Variants in SNPH observed in about 807,000 individuals in gnomAD.
SNPH encodes the protein syntaphilin.
Under a neutral mutation model 36.8 loss-of-function variants are expected in SNPH, and 10 were observed. That is an observed-to-expected ratio of 0.27 (90% CI 0.17 to 0.46). The LOEUF is 0.46. Ranked by LOEUF, SNPH falls within the 20% of genes least tolerant of loss-of-function variation. The pLI is 1.00. For missense variants in SNPH, 622 were observed against 744.0 expected (o/e 0.84, Z 1.91); for synonymous variants, 281 against 312.2 (o/e 0.90, Z 1.05).
chr20:1,282,980 C>T (rs1165926416), intron 2 of SNPH, among the ~76,000 whole-genome samples: 1 of 152,196 alleles, frequency 6.6e-6, no homozygotes, highest in East Asian at 1.9e-4. Context: ...CCTGAGAGTG[C>T]TATGTCCACA....
intron 2 of SNPH, among the ~76,000 whole-genome samples, chr20:1,288,710 C>G (rs540916186): frequency 4.4e-4 from 67 of 151,670 alleles, no homozygotes; most frequent in African/African-American, 1.6e-3. Flanking sequence ...CAACCTCTGC[C>G]TCCCAGGCTC....
intron 2 of SNPH, among the ~76,000 whole-genome samples, chr20:1,267,038 A>G (rs945927843): frequency 6.6e-6 from 1 of 151,868 alleles, no homozygotes; most frequent in South Asian, 2.1e-4. Context: ...CCACCCCCCA[A>G]TTTTATTTGT....
Position 1,297,239 on chromosome 20 carries a change from A to G in SNPH, c.277A>G (p.Ser93Gly), listed in dbSNP as rs1568548406. Reference sequence around the variant, plus strand: ...TGGCTCCTACAAGGGCAGTGACAGCAGTCCCACGCCAAGGTAATTGGCCCC... The same window carrying G: ...TGGCTCCTACAAGGGCAGTGACAGCGGTCCCACGCCAAGGTAATTGGCCCC... The part of the protein sequence containing the change: ...NSGSYKGSDS[S>G]PTPRRSMKYT... The change falls in exon 5 of 7, where the codon AGT becomes GGT. Residue 93 changes from serine (S) to glycine (G), a missense_variant. Ser to Gly is a moderately conservative substitution (Grantham distance 56). Around this residue, in one of 3 missense-constraint regions of SNPH, gnomAD observed 187 missense variants for 209.4 expected, o/e 0.89. Transcript: ENST00000381867. 1.9e-6 allele frequency: 3 copies of G among 1,613,594 alleles called. No individual in the cohort carries two copies. The highest frequency in any genetic ancestry group is 2.5e-6 in the Non-Finnish European group (3 of 1,179,942).
rs893005538 is a variant in SNPH at position 1,266,654 on chromosome 20, G to A, written c.-599G>A. Reference sequence around the variant, plus strand: ...CTATCTCTTTTTCCTAACCCCGCAGGTCGCTGATCAGGGCCAGGCGGCTGC... The same window carrying A: ...CTATCTCTTTTTCCTAACCCCGCAGATCGCTGATCAGGGCCAGGCGGCTGC... On this transcript the variant is annotated splice_region_variant and 5_prime_UTR_variant, in exon 2 of 7. Coordinates refer to ENST00000381867, the MANE Select transcript of SNPH (RefSeq NM_001318234.2). The surrounding 1 kb of genome is among the most constrained non-coding windows in gnomAD (Gnocchi z 6.0). 1 of 1,489,236 alleles carries A rather than the reference G, an allele frequency of 6.7e-7. No homozygotes were observed. The highest frequency in any genetic ancestry group is 8.9e-7 in the Non-Finnish European group (1 of 1,122,142). The allele number at this position is 1,489,236 out of a possible 1,614,324, so 92.3% of individuals were successfully genotyped here.
rs187950173 is a variant in SNPH at position 1,289,010 on chromosome 20, A to G, written c.-492-5941A>G. On this transcript the variant is annotated intron_variant, in intron 2 of 6. Coordinates refer to ENST00000381867, the MANE Select transcript of SNPH (RefSeq NM_001318234.2). ...TTTATGGAAGTATGACCAGCCCAAAATGCAGGTATATACCTGCTCATCTCC... is the reference window on the plus strand; with the variant it reads ...TTTATGGAAGTATGACCAGCCCAAAGTGCAGGTATATACCTGCTCATCTCC... Among the ~76,000 whole-genome samples the G allele has an allele frequency of 2.9e-3, 448 of 152,244 alleles. 1 individual carries two copies. The highest frequency in any genetic ancestry group is 5.4e-3 in the Non-Finnish European group (366 of 68,006).
At chr20:1,295,426 A>G (rs900769814) in intron 3 of SNPH, among the ~76,000 whole-genome samples, 3 of 152,158 alleles carry the variant, frequency 2.0e-5, no homozygotes, top group Non-Finnish European at 4.4e-5. Flanking sequence ...CTCTCTAGGC[A>G]CGAACGCTTC....
rs3764714 is a variant in SNPH at position 1,306,461 on chromosome 20, G to A, written c.*407G>A. 27,522 of 164,728 alleles carry A rather than the reference G, an allele frequency of 0.17. 2,489 individuals are homozygous for A. Among genetic ancestry groups the A allele is most frequent in the Middle Eastern group, 0.28 (93 of 338 alleles). 10.2% of individuals were successfully genotyped at this position (164,728 alleles called of 1,614,324 possible). Reference sequence around the variant, plus strand: ...TGCACCATCCTGTCCAGTGCCCTGCGCACTCCATGCCGTCTCTTCCAAGCC... The same window carrying A: ...TGCACCATCCTGTCCAGTGCCCTGCACACTCCATGCCGTCTCTTCCAAGCC... On this transcript the variant is annotated 3_prime_UTR_variant, in exon 7 of 7. Coordinates refer to ENST00000381867, the MANE Select transcript of SNPH (RefSeq NM_001318234.2).
intron 2 of SNPH, among the ~76,000 whole-genome samples, chr20:1,284,160 A>G (rs2088257602): frequency 6.6e-6 from 1 of 152,230 alleles, no homozygotes. Flanking sequence ...AAGATGAATA[A>G]AACTCTTCCA....
chr20:1,303,729 C>A (rs906798127), intron 6 of SNPH, among the ~76,000 whole-genome samples: 3 of 152,160 alleles, frequency 2.0e-5, no homozygotes, highest in Non-Finnish European at 4.4e-5. Context: ...AAGGAAAATT[C>A]TGATCTGGCT....
intron 2 of SNPH, among the ~76,000 whole-genome samples, chr20:1,291,698 G>C (rs906564386): frequency 6.6e-6 from 1 of 152,194 alleles, no homozygotes; most frequent in East Asian, 1.9e-4. Context: ...AGTGGTTTGA[G>C]TCATCAGACA....
In SNPH at chr20:1,273,720, T is replaced by C. The variant is rs569323424; in HGVS notation, c.-493+6960T>C. On this transcript the variant is annotated intron_variant, in intron 2 of 6. Transcript: ENST00000381867. ...GCACTGTGCCTGCCACACAGTGATA[T>C]AGCTGCATTATTCGTAGCCTGGAAA... is the stretch of plus-strand genomic sequence containing the variant. Among the ~76,000 whole-genome samples, 6 of 152,258 alleles carry C rather than the reference T, an allele frequency of 3.9e-5. No homozygotes were observed. The South Asian group carries it at 8.3e-4, about 21-fold the overall frequency.
rs1459966564 is a variant in SNPH at position 1,306,120 on chromosome 20, C to T, written c.*66C>T. On this transcript the variant is annotated 3_prime_UTR_variant, in exon 7 of 7. Coordinates refer to ENST00000381867, the MANE Select transcript of SNPH (RefSeq NM_001318234.2). ...GATTGTAGGGATGCCGTTCCCCCCT[C>T]CCTTCTCCCATGGGCATCATCTTAT... 7 of 1,246,332 alleles carry T rather than the reference C, an allele frequency of 5.6e-6. No homozygotes were observed. The highest frequency in any genetic ancestry group is 7.4e-6 in the Non-Finnish European group (7 of 943,826). 77.2% of individuals were successfully genotyped at this position (1,246,332 alleles called of 1,614,324 possible).
At chr20:1,303,854 AG>A (rs2122447960) in intron 6 of SNPH, among the ~76,000 whole-genome samples, 1 of 152,206 alleles carries the variant, frequency 6.6e-6, no homozygotes, top group Non-Finnish European at 1.5e-5. Context: ...GTTTAGGCTG[AG>A]GGGGCTCATG....
At chr20:1,267,957 G>A (rs762505341) in intron 2 of SNPH, among the ~76,000 whole-genome samples, 2 of 152,228 alleles carry the variant, frequency 1.3e-5, no homozygotes, top group Non-Finnish European at 2.9e-5. Flanking sequence ...ACCTAAAATA[G>A]TGCCTGTGCC....
At chr20:1,286,494 G>A (rs961584540) in intron 2 of SNPH, among the ~76,000 whole-genome samples, 4 of 152,286 alleles carry the variant, frequency 2.6e-5, no homozygotes, top group South Asian at 2.1e-4. Flanking sequence ...AGTTGGGTGC[G>A]CTGGGCTCCA....
rs150367888 is a variant in SNPH at position 1,305,837 on chromosome 20, G to A, written c.1400G>A (p.Arg467His). Residue 467 changes from arginine (R) to histidine (H), a missense_variant, in exon 7 of 7, where the codon CGC becomes CAC. Arg to His is a conservative substitution (Grantham distance 29, BLOSUM62 0). Transcript: ENST00000381867. ...AEKEPKSYWS[R>H]HYIVDLLAVV... ...AAGGAGCCCAAGAGCTACTGGAGCC[G>A]CCACTACATCGTGGATCTGCTGGCT... 1.4e-4 allele frequency: 226 copies of A among 1,591,846 alleles called. No homozygotes were observed. Among genetic ancestry groups the A allele is most frequent in the Middle Eastern group, 6.7e-4 (4 of 5,956 alleles).
intron 4 of SNPH, among the ~76,000 whole-genome samples, chr20:1,296,676 A>AT (rs970975073): frequency 2.6e-5 from 4 of 152,054 alleles, no homozygotes; most frequent in Non-Finnish European, 5.9e-5. Context: ...ATATTGTTTG[A>AT]TTTTCACAAC....
chr20:1,292,098 C>G (rs2088369075), intron 2 of SNPH, among the ~76,000 whole-genome samples: 1 of 152,184 alleles, frequency 6.6e-6, no homozygotes, highest in South Asian at 2.1e-4. Context: ...GTATTACCAA[C>G]AGTTGTGTGT....
chr20:1,299,683 C>T (rs1027200051), intron 5 of SNPH, among the ~76,000 whole-genome samples: 7 of 152,234 alleles, frequency 4.6e-5, no homozygotes, highest in Non-Finnish European at 8.8e-5. Flanking sequence ...CTGCCCAGAG[C>T]CGGCAGGTGT....
Sources: gnomAD v4.1 joint callset for allele counts (sites outside exome capture counted in the v4.1 genomes callset) on GRCh38, gnomAD v4.1.1 for gene constraint, gnomAD v4.1.1 regional missense constraint, Gnocchi (gnomAD v3.1) non-coding constraint, MANE v1.5 for transcripts, NCBI Gene and HGNC (gene_info 2026-07-23, HGNC 2026-07-21) for gene names.